VRTN: variants seen among roughly 807,000 people sequenced by gnomAD.
The protein encoded by VRTN is vertnin.
VRTN carries 5 observed loss-of-function variants against 18.2 expected under a neutral mutation model. That is an observed-to-expected ratio of 0.27 (90% CI 0.14 to 0.58). VRTN has a LOEUF of 0.58. VRTN is among the 20% of genes least tolerant of loss of function. The pLI, the probability that VRTN is intolerant of heterozygous loss-of-function variation, is 0.91. For missense variants in VRTN, 741 were observed against 939.4 expected, an observed-to-expected ratio of 0.79 and a Z score of 2.76; for synonymous variants, 381 against 393.7, an observed-to-expected ratio of 0.97 and a Z score of 0.38.
Position 74,331,544 on chromosome 14 carries a change from TTATATATATATATATATATATATA to T in VRTN, c.-163-6156_-163-6133del, listed in dbSNP as rs1169929236. Among the ~76,000 whole-genome samples, 92 of 43,494 alleles carry T rather than the reference TTATATATATATATATATATATATA, an allele frequency of 2.1e-3. 3 individuals carry two copies. The highest frequency in any genetic ancestry group is 4.0e-3 in the African/African-American group (61 of 15,374). 28.5% of individuals were successfully genotyped at this position (43,494 alleles called of 152,430 possible). On this transcript the variant is annotated intron_variant, in intron 1 of 2. Transcript: ENST00000557177. ...AACTCCATCTCAAAAAAAAAAAATT[TTATATATATATATATATATATATA>T]TATATATATATATATATATATACAA...
At chr14:74,313,660 A>T (rs1273355691) in intron 1 of VRTN, among the ~76,000 whole-genome samples, 1 of 152,178 alleles carries the variant, frequency 6.6e-6, no homozygotes, top group African/African-American at 2.4e-5. Context: ...TTTTGGAAAG[A>T]TTAAGGCCCC....
intron 1 of VRTN, among the ~76,000 whole-genome samples, chr14:74,323,062 G>A (rs533467256): frequency 6.6e-6 from 1 of 151,622 alleles, no homozygotes; most frequent in Admixed American, 6.6e-5. Context: ...GAACCCAGGA[G>A]GTGGAGGTTG....
chr14:74,345,346 ATTTTTTT>A (rs34124259), upstream of VRTN, among the ~76,000 whole-genome samples: 1 of 94,650 alleles, frequency 1.1e-5, no homozygotes, highest in Admixed American at 1.2e-4. Flanking sequence ...CACCCTGCCT[ATTTTTTT>A]TTTTTTTTTT....
upstream of VRTN, among the ~76,000 whole-genome samples, chr14:74,346,476 C>T (rs1216923767): frequency 6.6e-6 from 1 of 151,898 alleles, no homozygotes; most frequent in Non-Finnish European, 1.5e-5. Flanking sequence ...TGCAACAGTG[C>T]CATCATAGCT....
At chr14:74,312,814 C>T (rs1366470995) in intron 1 of VRTN, among the ~76,000 whole-genome samples, 2 of 139,856 alleles carry the variant, frequency 1.4e-5, no homozygotes, top group African/African-American at 5.5e-5. Context: ...AGTACAGTGG[C>T]TCACTGCAAC....
Position 74,356,892 on chromosome 14 carries a change from G to T in VRTN, c.109G>T (p.Val37Phe). 1 of 1,614,094 alleles carries T rather than the reference G, an allele frequency of 6.2e-7. No homozygotes were observed. The highest frequency in any genetic ancestry group is 1.3e-5 in the African/African-American group (1 of 75,020). The change falls in exon 2 of 2, where the codon GTC becomes TTC. Residue 37 changes from valine to phenylalanine, a missense_variant. Transcript: ENST00000256362. ...AGGTGCTTCCTTGGAGGCCAAGCAG[G>T]TCCTGTCTTCCTTCACTCTCCCCAC... ...LIGASLEAKQ[V>F]LSSFTLPTCR...
At chr14:74,330,554 G>T (rs1378164703) in intron 1 of VRTN, among the ~76,000 whole-genome samples, 1 of 150,584 alleles carries the variant, frequency 6.6e-6, no homozygotes, top group African/African-American at 2.4e-5. Context: ...TGATTCTCCT[G>T]CCTCAGCCTC....
At chr14:74,318,535 C>T (rs971421311) in intron 1 of VRTN, among the ~76,000 whole-genome samples, 7 of 149,770 alleles carry the variant, frequency 4.7e-5, no homozygotes, top group Middle Eastern at 3.7e-3. Context: ...CCTCCCAAAG[C>T]GCTGGGATTA....
rs552165016 is a variant in VRTN, at chr14:74,348,614, G to C, written c.-40G>C. On this transcript the variant is annotated 5_prime_UTR_variant, in exon 1 of 2. Transcript: ENST00000256362. ...AATGTCCCAGGCTGGAAGGTGGAGC[G>C]AGAAGTGGATGCCCCCAGGGCTCTG... 6.6e-6 allele frequency: 1 copy of C among 152,338 alleles called. No individual in the cohort carries two copies. The highest frequency in any genetic ancestry group is 2.4e-5 in the African/African-American group (1 of 41,446). 9.4% of individuals were successfully genotyped at this position (152,338 alleles called of 1,614,324 possible).
At chr14:74,320,921 A>T (rs866637625) in intron 1 of VRTN, among the ~76,000 whole-genome samples, 1 of 144,048 alleles carries the variant, frequency 6.9e-6, no homozygotes, top group Non-Finnish European at 1.5e-5. Flanking sequence ...AAAAAAAAAA[A>T]AGCAGCAGCA....
At chr14:74,323,857 A>G (rs1026193547) in intron 1 of VRTN, among the ~76,000 whole-genome samples, 1 of 152,162 alleles carries the variant, frequency 6.6e-6, no homozygotes, top group African/African-American at 2.4e-5. Context: ...TGCAATACTA[A>G]AAAATTATTC....
chr14:74,352,141 C>G lies in VRTN; in HGVS notation c.-2+3489C>G, dbSNP rs557361613. On this transcript the variant is annotated intron_variant, in intron 1 of 1. Coordinates refer to ENST00000256362, the MANE Select transcript of VRTN (RefSeq NM_018228.3). ...CTGGGATTACAGGCCTGAGCCACCA[C>G]CATGCCCGGCCTCAGTACTTTTAAT... is the stretch of plus-strand genomic sequence containing the variant. Among the ~76,000 whole-genome samples, 15 of 152,058 alleles carry G rather than the reference C, an allele frequency of 9.9e-5. No individual in the cohort carries two copies. The East Asian group carries it at 2.9e-3, about 29-fold the overall frequency.
chr14:74,336,557 T>G lies in VRTN; in HGVS notation c.-163-1166T>G, dbSNP rs867009877. On this transcript the variant is annotated intron_variant, in intron 1 of 2. Transcript: ENST00000557177. ...TAGATAGATTTTTGCAAAAGTGGAT[T>G]CATAAGATTTATTTAACTCTGAAAT... is the stretch of plus-strand genomic sequence containing the variant. Among the ~76,000 whole-genome samples, 15 of 152,202 alleles carry G rather than the reference T, an allele frequency of 9.9e-5. 1 individual carries two copies. Among genetic ancestry groups the G allele is most frequent in the African/African-American group, 3.6e-4 (15 of 41,456 alleles).
chr14:74,318,346 C>T (rs1274943688), intron 1 of VRTN, among the ~76,000 whole-genome samples: 2 of 152,122 alleles, frequency 1.3e-5, no homozygotes, highest in South Asian at 2.1e-4. Context: ...TCTCGGCTCA[C>T]CGCAACCTCC....
chr14:74,326,243 G>A (rs985748080), intron 1 of VRTN, among the ~76,000 whole-genome samples: 3 of 152,132 alleles, frequency 2.0e-5, no homozygotes, highest in Admixed American at 2.0e-4. Flanking sequence ...AGCAGCCAAA[G>A]AGGAACAGAA....
rs529237959 is a variant in VRTN at position 74,358,315 on chromosome 14, T to G, written c.1532T>G (p.Leu511Arg). 3 of 1,611,308 alleles carry G rather than the reference T, an allele frequency of 1.9e-6. No individual in the cohort carries two copies. Among genetic ancestry groups the G allele is most frequent in the Non-Finnish European group, 2.5e-6 (3 of 1,178,340 alleles). ...CCCCTGTCCCGTTGGCAGAGGCGTC[T>G]GCGCAGGGCTGCCCGCAGGCAGGTG... ...RMPLSRWQRR[L>R]RRAARRQVLS... Residue 511 changes from leucine to arginine, a missense_variant, in exon 2 of 2, where the codon CTG becomes CGG. Leu to Arg is a moderately radical substitution (Grantham distance 102). Coordinates refer to ENST00000256362, the MANE Select transcript of VRTN (RefSeq NM_018228.3). This position sits in a 1 kb window ranked among gnomAD's most constrained non-coding sequence, Gnocchi z 5.4.
chr14:74,320,583 TTTTTTTTTTTTTTTTTTTTTTG>T (rs2085449550), intron 1 of VRTN, among the ~76,000 whole-genome samples: 5 of 75,996 alleles, frequency 6.6e-5, no homozygotes, highest in South Asian at 5.6e-4. Context: ...TTTTTTTTTT[TTTTTTTTTTTTTTTTTTTTTTG>T]AGACGGAGTC....
intron 1 of VRTN, among the ~76,000 whole-genome samples, chr14:74,308,598 T>C (rs1050623527): frequency 1.3e-5 from 2 of 151,898 alleles, no homozygotes; most frequent in African/African-American, 4.8e-5. Context: ...CACTGCAACC[T>C]CTGCCTCCCG....
At chr14:74,310,202 AGC>A (rs1199837199) in intron 1 of VRTN, among the ~76,000 whole-genome samples, 18 of 152,170 alleles carry the variant, frequency 1.2e-4, no homozygotes, top group African/African-American at 4.1e-4. Flanking sequence ...GTTCGAGACC[AGC>A]CTGACCAACA....
Sources: allele counts gnomAD v4.1 joint callset (sites outside exome capture counted in the v4.1 genomes callset), GRCh38; gene constraint gnomAD v4.1.1; non-coding constraint Gnocchi (gnomAD v3.1); transcripts MANE v1.5; gene names NCBI Gene and HGNC (gene_info 2026-07-23, HGNC 2026-07-21).